IFT88: variants seen among roughly 807,000 people sequenced by gnomAD.
IFT88 encodes the protein intraflagellar transport protein 88 homolog.
A neutral mutation model predicts 119.5 loss-of-function variants in IFT88; 74 were observed. That is an observed-to-expected ratio of 0.62 (90% CI 0.51 to 0.75). The LOEUF (loss-of-function observed/expected upper bound fraction) is 0.75, where lower values mean the gene tolerates loss of function less well. Among genes scored for constraint, IFT88 ranks in the 30% least tolerant of loss-of-function variants. The pLI is 0.00. For synonymous variants in IFT88, 279 were observed against 316.7 expected, an observed-to-expected ratio of 0.88 and a Z score of 1.26; for missense variants, 961 against 977.7, an observed-to-expected ratio of 0.98 and a Z score of 0.23.
chr13:20,567,880 TC>T (rs2035237489), intron 1 of IFT88: 5 of 730,018 alleles, frequency 6.8e-6, no homozygotes, highest in African/African-American at 3.6e-5. Flanking sequence ...TTTTTTTTTT[TC>T]GAGAAACTGC....
intron 2 of IFT88, among the ~76,000 whole-genome samples, chr13:20,580,257 C>T (rs745646851): frequency 6.6e-6 from 1 of 152,102 alleles, no homozygotes; most frequent in Non-Finnish European, 1.5e-5. Flanking sequence ...GGGACTCACA[C>T]CTATAATCCC....
At position 20,638,517 on chromosome 13, in the gene IFT88, T is replaced by G. The variant is rs2049366828; in HGVS notation, c.1572T>G (p.Ile524Met). ...DSSCTEALYNIGLTYEKLNRL... is the reference protein window; with the variant it reads ...DSSCTEALYNMGLTYEKLNRL... ...CTTGTACTGAAGCACTTTATAATAT[T>G]GGTAAGTGAAACAAGGGGAAATTGC... Residue 524 changes from isoleucine to methionine, a missense_variant and splice_region_variant, in exon 17 of 26, where the codon ATT becomes ATG. Coordinates refer to ENST00000351808, the MANE Select transcript of IFT88 (RefSeq NM_006531.5). The G allele has an allele frequency of 4.2e-6, 6 of 1,427,324 alleles. No homozygotes were observed. Among genetic ancestry groups the G allele is most frequent in the Non-Finnish European group, 5.5e-6 (6 of 1,086,160 alleles). The allele number at this position is 1,427,324 out of a possible 1,614,324, so 88.4% of individuals were successfully genotyped here. A position where few individuals can be genotyped will look rare whatever the true frequency, so the allele number is the denominator to read the frequency against.
intron 2 of IFT88, among the ~76,000 whole-genome samples, chr13:20,580,927 G>A (rs1020161920): frequency 1.7e-4 from 26 of 151,926 alleles, no homozygotes; most frequent in African/African-American, 3.9e-4. Flanking sequence ...AGGTTTCACC[G>A]TGTTAGCCAG....
intron 12 of IFT88, among the ~76,000 whole-genome samples, chr13:20,603,691 T>G (rs2042972729): frequency 6.7e-6 from 1 of 150,186 alleles, no homozygotes; most frequent in African/African-American, 2.5e-5. Flanking sequence ...AGCCTGAGAG[T>G]TCAAGATCAG....
chr13:20,641,533 C>T (rs951834222), intron 18 of IFT88, 135 bp downstream of exon 18: 4 of 534,028 alleles, frequency 7.5e-6, no homozygotes, highest in Non-Finnish European at 1.3e-5. Flanking sequence ...GATAATCTGG[C>T]AGATTATTGT....
chr13:20,586,686 G>A (rs375240658), intron 3 of IFT88, among the ~76,000 whole-genome samples: 8 of 152,148 alleles, frequency 5.3e-5, no homozygotes, highest in African/African-American at 1.7e-4. Flanking sequence ...CCCCTCAGTT[G>A]GTTCTCATGG....
At position 20,601,813 on chromosome 13, in the gene IFT88, A is replaced by C; in HGVS notation, c.921A>C (p.Ala307=). The C allele has an allele frequency of 6.2e-7, 1 of 1,613,492 alleles. No homozygotes were observed. Among genetic ancestry groups the C allele is most frequent in the Non-Finnish European group, 8.5e-7 (1 of 1,179,422 alleles). ...HIMSMAPNLK[A]GYNLTICYFA... is the part of the protein sequence containing the mutation. The stretch of plus-strand genomic sequence containing the variant: ...TGAGCATGGCACCAAATCTGAAGGC[A>C]GGCTACAACCTAACTATCTGTTATT... The change falls in exon 12 of 26, where the codon GCA becomes GCC. Residue 307 remains alanine, a synonymous_variant. Coordinates refer to ENST00000351808, the MANE Select transcript of IFT88 (RefSeq NM_006531.5).
chr13:20,578,369 T>C, intron 2 of IFT88, among the ~76,000 whole-genome samples: 1 of 149,734 alleles, frequency 6.7e-6, no homozygotes, highest in South Asian at 2.1e-4. Context: ...TTTTTTTTTT[T>C]TTTTTTTTTT....
intron 14 of IFT88, among the ~76,000 whole-genome samples, chr13:20,624,958 A>T (rs946672320): frequency 1.3e-5 from 2 of 152,192 alleles, no homozygotes; most frequent in African/African-American, 4.8e-5. Context: ...TATTAACCAT[A>T]ATTCCCTTGA....
chr13:20,652,615 G>GA (rs532663523), intron 20 of IFT88, among the ~76,000 whole-genome samples: 93 of 137,908 alleles, frequency 6.7e-4, no homozygotes, highest in Admixed American at 8.0e-4. Flanking sequence ...GACCCTGTCT[G>GA]AAAAAAAAAA....
intron 13 of IFT88, among the ~76,000 whole-genome samples, chr13:20,613,492 A>G (rs1472426961): frequency 6.6e-6 from 1 of 152,150 alleles, no homozygotes; most frequent in Non-Finnish European, 1.5e-5. Flanking sequence ...TAGGAGTATA[A>G]AATGGTGCTT....
At chr13:20,671,317 A>G (rs2055816850) in intron 24 of IFT88, among the ~76,000 whole-genome samples, 1 of 152,348 alleles carries the variant, frequency 6.6e-6, no homozygotes, top group South Asian at 2.1e-4. Context: ...TGGACAGATT[A>G]TCATAGATGG....
At chr13:20,602,883 GAA>G (rs927160926) in intron 12 of IFT88, among the ~76,000 whole-genome samples, 2 of 141,844 alleles carry the variant, frequency 1.4e-5, no homozygotes. Flanking sequence ...ACTCTGTCTT[GAA>G]AAAAAAAAAG....
intron 20 of IFT88, among the ~76,000 whole-genome samples, chr13:20,650,365 A>G (rs2051433791): frequency 6.6e-6 from 1 of 152,220 alleles, no homozygotes; most frequent in Admixed American, 6.5e-5. Context: ...GAATGAAGAA[A>G]AAACCCACGT....
chr13:20,625,920 T>C (rs921342527), intron 15 of IFT88, 71 bp downstream of exon 15: 6 of 639,322 alleles, frequency 9.4e-6, no homozygotes, highest in Admixed American at 3.3e-5. Flanking sequence ...ACAGGTAAAC[T>C]CCTTTCTAGA....
chr13:20,572,417 C>T (rs1192884078), intron 1 of IFT88, among the ~76,000 whole-genome samples: 1 of 152,102 alleles, frequency 6.6e-6, no homozygotes, highest in South Asian at 2.1e-4. Flanking sequence ...TGGGGTTTCA[C>T]CATCTTGACC....
intron 7 of IFT88, among the ~76,000 whole-genome samples, chr13:20,592,981 A>C (rs2040970841): frequency 6.6e-6 from 1 of 152,192 alleles, no homozygotes; most frequent in Non-Finnish European, 1.5e-5. Flanking sequence ...GATATGGTCT[A>C]ATTTTTTATC....
At chr13:20,627,725 C>T (rs2047563415) in intron 15 of IFT88, among the ~76,000 whole-genome samples, 1 of 54,552 alleles carries the variant, frequency 1.8e-5, no homozygotes, top group African/African-American at 7.7e-5. Flanking sequence ...AGCGAGACTT[C>T]ATCTCAAAAA....
chr13:20,662,109 C>T (rs1450851405), intron 22 of IFT88, among the ~76,000 whole-genome samples: 3 of 152,244 alleles, frequency 2.0e-5, no homozygotes, highest in Admixed American at 6.5e-5. Flanking sequence ...AATTCTGGGA[C>T]GAAGCTTCCA....
Sources: allele counts gnomAD v4.1 joint callset (sites outside exome capture counted in the v4.1 genomes callset), GRCh38; gene constraint gnomAD v4.1.1; transcripts MANE v1.5; gene names NCBI Gene and HGNC (gene_info 2026-07-23, HGNC 2026-07-21).